The following JMJD1C variants were observed in gnomAD, a reference collection of about 807,000 sequenced individuals.
JMJD1C encodes the protein jumonji domain containing 1C.
A neutral mutation model predicts 245.3 loss-of-function variants in JMJD1C; 31 were observed. The observed-to-expected ratio is 0.13, with a 90% confidence interval of 0.09 to 0.17. The LOEUF (loss-of-function observed/expected upper bound fraction) is 0.17. Among genes scored for constraint, JMJD1C ranks in the 10% least tolerant of loss-of-function variants. The pLI is 1.00. For missense variants in JMJD1C, 2,691 were observed against 3,000.2 expected (o/e 0.90, Z 2.41); for synonymous variants, 1,057 against 1,017.4 (o/e 1.04, Z -0.74).
At chr10:63,240,221 A>T (rs1408643799) in intron 3 of JMJD1C, among the ~76,000 whole-genome samples, 1 of 152,208 alleles carries the variant, frequency 6.6e-6, no homozygotes. Flanking sequence ...GACACGGCTT[A>T]GGGTGAGTAG....
intron 22 of JMJD1C, among the ~76,000 whole-genome samples, chr10:63,181,932 A>C (rs979052369): frequency 2.6e-5 from 4 of 152,226 alleles, no homozygotes; most frequent in Non-Finnish European, 5.9e-5. Context: ...ACTGACTCTC[A>C]AATCTCTGGG....
At chr10:63,218,544 C>T (rs1160184046) in intron 4 of JMJD1C, among the ~76,000 whole-genome samples, 1 of 151,920 alleles carries the variant, frequency 6.6e-6, no homozygotes, top group Non-Finnish European at 1.5e-5. Flanking sequence ...TAGAGTAACT[C>T]CAAATATGAT....
rs1417219333 is a variant in JMJD1C at position 63,167,959 on chromosome 10, A to G, written c.*86T>C. 3 of 797,234 alleles carry G rather than the reference A, an allele frequency of 3.8e-6. No individual in the cohort carries two copies. In the Admixed American group the frequency reaches 5.8e-5, roughly 16 times the overall value. 49.4% of individuals were successfully genotyped at this position (797,234 alleles called of 1,614,324 possible). On this transcript the variant is annotated 3_prime_UTR_variant, in exon 26 of 26. Coordinates refer to ENST00000399262, the MANE Select transcript of JMJD1C (RefSeq NM_032776.3). Reference sequence around the variant, plus strand: ...TTTCTTGGCACTGATGGTTTTATGAAGCTTAAAGTCAGTGTGCATACATAT... The same window carrying G: ...TTTCTTGGCACTGATGGTTTTATGAGGCTTAAAGTCAGTGTGCATACATAT...
chr10:63,421,576 T>C (rs1189040662), intron 1 of JMJD1C, among the ~76,000 whole-genome samples: 1 of 152,164 alleles, frequency 6.6e-6, no homozygotes. Context: ...TTTTTGTTAT[T>C]ATTTTGAACT....
chr10:63,519,055 C>G (rs1955118040), intron 1 of JMJD1C, among the ~76,000 whole-genome samples: 1 of 152,138 alleles, frequency 6.6e-6, no homozygotes, highest in Non-Finnish European at 1.5e-5. Context: ...CAGAATGACT[C>G]AATGACACGT....
Position 63,200,658 on chromosome 10 carries a change from T to C in JMJD1C, c.5094A>G (p.Val1698=). Residue 1698 remains valine (V), a synonymous_variant, in exon 11 of 26, where the codon GTA becomes GTG. Transcript: ENST00000399262. Reference sequence around the variant, plus strand: ...TCTTGACTTTACGCCAATCTTTCAATACTGAACGAGGAATGCCAGCTGTAA... The same window carrying C: ...TCTTGACTTTACGCCAATCTTTCAACACTGAACGAGGAATGCCAGCTGTAA... The part of the protein sequence containing the change: ...SNSNTGIPRS[V]LKDWRKVKKL... The C allele has an allele frequency of 6.2e-7, 1 of 1,614,004 alleles. No individual in the cohort carries two copies.
chr10:63,322,040 T>C (rs987853741), intron 2 of JMJD1C, among the ~76,000 whole-genome samples: 2 of 152,244 alleles, frequency 1.3e-5, no homozygotes, highest in South Asian at 2.1e-4. Flanking sequence ...AGTTCATTCA[T>C]TGTAATGATG....
chr10:63,292,634 C>A (rs542255332), intron 2 of JMJD1C, among the ~76,000 whole-genome samples: 1 of 152,100 alleles, frequency 6.6e-6, no homozygotes, highest in South Asian at 2.1e-4. Context: ...TAAAACAGGA[C>A]AATCATCACA....
chr10:63,391,487 G>C (rs1948052595), intron 1 of JMJD1C, among the ~76,000 whole-genome samples: 1 of 150,214 alleles, frequency 6.7e-6, no homozygotes, highest in African/African-American at 2.4e-5. Flanking sequence ...TCCAGTCTGG[G>C]CGACAGAGTG....
chr10:63,407,376 C>G (rs1219881869), intron 1 of JMJD1C, among the ~76,000 whole-genome samples: 1 of 152,172 alleles, frequency 6.6e-6, no homozygotes, highest in Admixed American at 6.5e-5. Flanking sequence ...TCCTTTCATC[C>G]TCAGTCTTCT....
chr10:63,494,405 A>G (rs980150971), intron 1 of JMJD1C, among the ~76,000 whole-genome samples: 20 of 152,210 alleles, frequency 1.3e-4, no homozygotes, highest in African/African-American at 4.6e-4. Context: ...AAAGTGCTGC[A>G]TATCATTTAA....
At chr10:63,238,006 T>TAAAAAAA (rs35736445) in intron 3 of JMJD1C, among the ~76,000 whole-genome samples, 5 of 27,616 alleles carry the variant, frequency 1.8e-4, no homozygotes, top group African/African-American at 8.1e-4. Flanking sequence ...CCGTCTCTAC[T>TAAAAAAA]AAAAAAAAAA....
intron 1 of JMJD1C, among the ~76,000 whole-genome samples, chr10:63,389,680 T>C (rs77680700): frequency 0.013 from 2,026 of 152,142 alleles, 31 homozygotes; most frequent in African/African-American, 0.034. Flanking sequence ...TTTTTAAAAA[T>C]TAGAATTGTA....
At chr10:63,356,692 T>C (rs996789479) in intron 2 of JMJD1C, among the ~76,000 whole-genome samples, 3 of 152,178 alleles carry the variant, frequency 2.0e-5, no homozygotes, top group Non-Finnish European at 4.4e-5. Context: ...TTGGTAAATA[T>C]TTATGTTTAC....
At chr10:63,287,974 T>C (rs1858183633) in intron 2 of JMJD1C, among the ~76,000 whole-genome samples, 2 of 152,178 alleles carry the variant, frequency 1.3e-5, no homozygotes, top group African/African-American at 4.8e-5. Context: ...CTCAATCTCC[T>C]GACCTCGTGA....
intron 2 of JMJD1C, among the ~76,000 whole-genome samples, chr10:63,292,144 A>ATTTTTTTTTTTT (rs573065816): frequency 0.073 from 4,102 of 56,088 alleles, 1,337 homozygotes; most frequent in African/African-American, 0.12. Context: ...GTAGAGACAG[A>ATTTTTTTTTTTT]TTTTTTTTTT....
chr10:63,191,156 GA>G (rs1297085473), intron 16 of JMJD1C, 48 bp from the exon 17 acceptor site: 1 of 1,459,064 alleles, frequency 6.9e-7, no homozygotes, highest in Non-Finnish European at 9.6e-7. Context: ...TTTTGAGACG[GA>G]GTCTCATTCT....
chr10:63,294,677 C>T (rs1051133008), intron 2 of JMJD1C, among the ~76,000 whole-genome samples: 4 of 152,166 alleles, frequency 2.6e-5, no homozygotes, highest in Non-Finnish European at 5.9e-5. Context: ...GCTTTATATA[C>T]CCACTGCTAT....
intron 2 of JMJD1C, among the ~76,000 whole-genome samples, chr10:63,306,588 T>C (rs1305251232): frequency 1.3e-5 from 2 of 152,198 alleles, no homozygotes; most frequent in African/African-American, 2.4e-5. Context: ...AAAAAGTGTA[T>C]ATATACCTAG....
Sources: allele counts gnomAD v4.1 joint callset (sites outside exome capture counted in the v4.1 genomes callset), GRCh38; gene constraint gnomAD v4.1.1; transcripts MANE v1.5; gene names NCBI Gene and HGNC (gene_info 2026-07-23, HGNC 2026-07-21).